Variants in GRID2 observed in about 807,000 individuals in gnomAD.
GRID2 encodes the protein glutamate ionotropic receptor delta type subunit 2.
Under a neutral mutation model 114.8 loss-of-function variants are expected in GRID2, and 33 were observed. The observed-to-expected ratio is 0.29, with a 90% CI of 0.22 to 0.38. The LOEUF (loss-of-function observed/expected upper bound fraction) is 0.38. Among genes scored for constraint, GRID2 ranks in the 10% least tolerant of loss-of-function variants. The pLI, the probability that GRID2 is intolerant of heterozygous loss-of-function variation, is 1.00. For synonymous variants in GRID2, 505 were observed against 449.9 expected (o/e 1.12, Z -1.55); for missense variants, 1,184 against 1,257.7 (o/e 0.94, Z 0.89).
chr4:92,760,627 T>C (rs187145228), intron 2 of GRID2, among the ~76,000 whole-genome samples: 50 of 152,288 alleles, frequency 3.3e-4, no homozygotes, highest in Non-Finnish European at 5.6e-4. Context: ...CACTGCCAAA[T>C]TGGTGTTGAC....
chr4:93,169,394 A>G (rs1464908201), intron 4 of GRID2, among the ~76,000 whole-genome samples: 1 of 152,162 alleles, frequency 6.6e-6, no homozygotes, highest in Admixed American at 6.6e-5. Flanking sequence ...CGAAAATATG[A>G]TATTCACAGT....
rs778369229 is a variant in GRID2, at chr4:93,773,732, C to T, written c.*1234C>T. 2 of 151,928 alleles carry T rather than the reference C, an allele frequency of 1.3e-5. No homozygotes were observed. The highest frequency in any genetic ancestry group is 6.6e-5 in the Admixed American group (1 of 15,254). 9.4% of individuals were successfully genotyped at this position (151,928 alleles called of 1,614,324 possible). A position where few individuals can be genotyped will look rare whatever the true frequency, so the allele number is the denominator to read the frequency against. ...GAGCCCTTAAGAACTATTGATGTGG[C>T]CTTAAATTACTGTCATTTATTATCC... On this transcript the variant is annotated 3_prime_UTR_variant, in exon 16 of 16. Transcript: ENST00000282020.
At chr4:93,087,994 A>G (rs1730470798) in intron 3 of GRID2, among the ~76,000 whole-genome samples, 1 of 152,178 alleles carries the variant, frequency 6.6e-6, no homozygotes, top group South Asian at 2.1e-4. Flanking sequence ...TGGATTAACT[A>G]TGGATGGAAT....
intron 2 of GRID2, among the ~76,000 whole-genome samples, chr4:93,019,801 A>G (rs1403240645): frequency 1.3e-5 from 2 of 152,174 alleles, no homozygotes; most frequent in African/African-American, 2.4e-5. Context: ...TCGTTTTAAG[A>G]GAGATATTAA....
At chr4:93,303,012 G>A (rs1579603236) in intron 8 of GRID2, among the ~76,000 whole-genome samples, 1 of 152,284 alleles carries the variant, frequency 6.6e-6, no homozygotes, top group East Asian at 1.9e-4. Context: ...GCATGGCTGG[G>A]GAGGCCTCAG....
At chr4:93,609,094 G>A (rs1014006729) in intron 13 of GRID2, among the ~76,000 whole-genome samples, 1 of 104,726 alleles carries the variant, frequency 9.5e-6, no homozygotes, top group African/African-American at 3.7e-5. Flanking sequence ...GTGTTTTTTG[G>A]CTGCATAAAT....
chr4:92,735,517 A>G (rs1311477861), intron 2 of GRID2, among the ~76,000 whole-genome samples: 1 of 152,112 alleles, frequency 6.6e-6, no homozygotes, highest in Non-Finnish European at 1.5e-5. Context: ...TGCAGATGGG[A>G]TGGGGACTAC....
At chr4:92,972,109 A>G (rs185034185) in intron 2 of GRID2, among the ~76,000 whole-genome samples, 1 of 151,798 alleles carries the variant, frequency 6.6e-6, no homozygotes, top group Non-Finnish European at 1.5e-5. Context: ...TTTTTTTCTC[A>G]GAAACTTCCA....
chr4:92,827,189 G>C (rs570708212), intron 2 of GRID2, among the ~76,000 whole-genome samples: 1 of 151,842 alleles, frequency 6.6e-6, no homozygotes, highest in African/African-American at 2.4e-5. Context: ...CAAGTGTTAG[G>C]CAATTAAACT....
At chr4:92,966,763 G>A (rs1753183898) in intron 2 of GRID2, among the ~76,000 whole-genome samples, 1 of 151,776 alleles carries the variant, frequency 6.6e-6, no homozygotes, top group South Asian at 2.1e-4. Context: ...CTCTTTTTCT[G>A]CATAAATTAC....
intron 14 of GRID2, among the ~76,000 whole-genome samples, chr4:93,713,772 A>G (rs1260922566): frequency 6.6e-6 from 1 of 152,148 alleles, no homozygotes; most frequent in Admixed American, 6.6e-5. Flanking sequence ...ACTAGTATCA[A>G]ACTTTTTCAC....
chr4:93,344,622 T>A (rs1252962936), intron 8 of GRID2, among the ~76,000 whole-genome samples: 2 of 148,262 alleles, frequency 1.3e-5, no homozygotes, highest in African/African-American at 2.4e-5. Flanking sequence ...ATATATTAAA[T>A]ATATATTTTA....
chr4:92,851,051 A>T (rs1331245937), intron 2 of GRID2, among the ~76,000 whole-genome samples: 3 of 152,054 alleles, frequency 2.0e-5, no homozygotes, highest in Middle Eastern at 3.4e-3. Flanking sequence ...ACTTTTAATT[A>T]GTATTACTGA....
At chr4:92,474,319 T>A (rs1560654907) in intron 1 of GRID2, among the ~76,000 whole-genome samples, 1 of 152,094 alleles carries the variant, frequency 6.6e-6, no homozygotes, top group Non-Finnish European at 1.5e-5. Context: ...TGTCCTCCAG[T>A]TTCATCCATG....
intron 14 of GRID2, among the ~76,000 whole-genome samples, chr4:93,720,348 T>C (rs1729244961): frequency 6.6e-6 from 1 of 152,194 alleles, no homozygotes; most frequent in African/African-American, 2.4e-5. Flanking sequence ...AACCTTATAT[T>C]AATCTCTTCC....
At chr4:92,523,122 G>A (rs1393984460) in intron 1 of GRID2, among the ~76,000 whole-genome samples, 4 of 151,962 alleles carry the variant, frequency 2.6e-5, no homozygotes, top group Admixed American at 1.3e-4. Flanking sequence ...AGAATAGGAT[G>A]ACTTGAGAAA....
chr4:92,336,951 GTTGTTTTTT>G (rs911907077), intron 1 of GRID2, among the ~76,000 whole-genome samples: 20 of 16,582 alleles, frequency 1.2e-3, no homozygotes, highest in African/African-American at 2.6e-3. Context: ...GTCTTTCGTT[GTTGTTTTTT>G]TTTTTTTTTT....
rs538514735 is a variant in GRID2 at position 93,644,318 on chromosome 4, G to A, written c.2360+17883G>A. Among the ~76,000 whole-genome samples, 8 of 47,968 alleles carry A rather than the reference G, an allele frequency of 1.7e-4. 3 individuals carry two copies. The highest frequency in any genetic ancestry group is 6.3e-4 in the African/African-American group (3 of 4,754). The allele number at this position is 47,968 out of a possible 152,430, so 31.5% of individuals were successfully genotyped here. On this transcript the variant is annotated intron_variant, in intron 14 of 15. Transcript: ENST00000282020. ...CTGTAGACCGGAGCTGTTCCTATTC[G>A]GCCATCTTGGCTCCTCCCCACTAAA...
intron 2 of GRID2, among the ~76,000 whole-genome samples, chr4:92,813,505 C>T (rs1740748122): frequency 6.6e-6 from 1 of 152,072 alleles, no homozygotes; most frequent in South Asian, 2.1e-4. Context: ...ATTCATAACA[C>T]CTACCAAAAT....
Sources: gnomAD v4.1 joint callset for allele counts (sites outside exome capture counted in the v4.1 genomes callset) on GRCh38, gnomAD v4.1.1 for gene constraint, MANE v1.5 for transcripts, NCBI Gene and HGNC (gene_info 2026-07-23, HGNC 2026-07-21) for gene names.